Variants in SMCHD1 observed in about 807,000 individuals in gnomAD.
SMCHD1 encodes the protein structural maintenance of chromosomes flexible hinge domain containing 1, also known as structural maintenance of chromosomes flexible hinge domain-containing protein 1.
A neutral mutation model predicts 254.7 loss-of-function variants in SMCHD1; 78 were observed. The observed-to-expected ratio is 0.31, with a 90% confidence interval of 0.26 to 0.37. The LOEUF is 0.37. Ranked by LOEUF, SMCHD1 falls within the 10% of genes least tolerant of loss-of-function variation. The probability of loss-of-function intolerance (pLI) is 1.00; values close to 1 mark genes in which losing one functional copy is unlikely to be tolerated. For missense variants in SMCHD1, 1,840 were observed against 2,408.1 expected, an observed-to-expected ratio of 0.76 and a Z score of 4.94; for synonymous variants, 766 against 794.9, an observed-to-expected ratio of 0.96 and a Z score of 0.61.
intron 34 of SMCHD1, among the ~76,000 whole-genome samples, chr18:2,757,808 T>C (rs1230355187): frequency 1.3e-5 from 2 of 152,166 alleles, no homozygotes; most frequent in Non-Finnish European, 2.9e-5. Flanking sequence ...TTGTCTATTT[T>C]TTCTCTTAGT....
At chr18:2,747,841 A>G (rs1250457204) in intron 30 of SMCHD1, among the ~76,000 whole-genome samples, 194 bp downstream of exon 30, 1 of 152,214 alleles carries the variant, frequency 6.6e-6, no homozygotes, top group African/African-American at 2.4e-5. Flanking sequence ...ACAGTAGTAC[A>G]ACAAGGGGCC....
chr18:2,699,424 C>T (rs369504931), intron 10 of SMCHD1, among the ~76,000 whole-genome samples: 1 of 152,328 alleles, frequency 6.6e-6, no homozygotes. Flanking sequence ...ACTGCAGTCT[C>T]TGCCTCCCAG....
intron 44 of SMCHD1, among the ~76,000 whole-genome samples, chr18:2,782,206 A>G (rs998810814): frequency 1.3e-5 from 2 of 152,302 alleles, no homozygotes; most frequent in Admixed American, 1.3e-4. Flanking sequence ...GAGTTGTAAT[A>G]TTGTTCATTC....
chr18:2,750,408 A>C lies in SMCHD1; in HGVS notation c.4066A>C (p.Ile1356Leu). ...TAACAAAAGTATCATAGAAGGACCTATAATTAAGTTAATGATTCTTCCAGA... is the reference window on the plus strand; with the variant it reads ...TAACAAAAGTATCATAGAAGGACCTCTAATTAAGTTAATGATTCTTCCAGA... ...IYNKSIIEGP[I>L]IKLMILPDPE... Residue 1356 changes from isoleucine (I) to leucine (L), a missense_variant, in exon 32 of 48, where the codon ATA (isoleucine) becomes CTA (leucine). Ile to Leu is a conservative substitution (Grantham distance 5). This residue lies in a region of SMCHD1 where 881 missense variants were observed against 1,009.5 expected (regional missense o/e 0.87). Transcript: ENST00000320876. The C allele has an allele frequency of 6.2e-7, 1 of 1,612,630 alleles. No individual in the cohort carries two copies. Among genetic ancestry groups the C allele is most frequent in the Non-Finnish European group, 8.5e-7 (1 of 1,179,014 alleles).
At position 2,718,456 on chromosome 18, in the gene SMCHD1, A is replaced by T. The variant is rs2074849642; in HGVS notation, c.2458+22A>T. On this transcript the variant is annotated intron_variant, in intron 19 of 47. Transcript: ENST00000320876. This position sits in a 1 kb window ranked among gnomAD's most constrained non-coding sequence, Gnocchi z 4.6. The stretch of plus-strand genomic sequence containing the variant: ...AAAGGTAAGCAAAACAGTAATATAT[A>T]ATTATATATGCTAAAGGTGGCATTT... 3 of 1,566,764 alleles carry T rather than the reference A, an allele frequency of 1.9e-6. No individual in the cohort carries two copies. Among genetic ancestry groups the T allele is most frequent in the African/African-American group, 1.4e-5 (1 of 72,914 alleles).
At chr18:2,745,358 G>A (rs951066277) in intron 29 of SMCHD1, among the ~76,000 whole-genome samples, 2 of 152,120 alleles carry the variant, frequency 1.3e-5, no homozygotes, top group African/African-American at 4.8e-5. Context: ...CACAATCATG[G>A]TAGTAGGTGA....
At chr18:2,745,186 T>TTTATTTTTAAAAATTAAAAAAA (rs6146190) in intron 29 of SMCHD1, among the ~76,000 whole-genome samples, 1 of 99,960 alleles carries the variant, frequency 1.0e-5, no homozygotes, top group Non-Finnish European at 2.2e-5. Flanking sequence ...TGAAACAAGT[T>TTTATTTTTAAAAATTAAAAAAA]TTATTTATTT....
At chr18:2,776,740 T>C (rs143234489) in intron 42 of SMCHD1, among the ~76,000 whole-genome samples, 249 of 152,274 alleles carry the variant, frequency 1.6e-3, no homozygotes, top group Non-Finnish European at 3.0e-3. Context: ...AAACTTGTTA[T>C]TTCATCTTAT....
intron 8 of SMCHD1, 145 bp downstream of exon 8, chr18:2,694,838 T>A: frequency 1.5e-6 from 1 of 659,952 alleles, no homozygotes; most frequent in Non-Finnish European, 2.6e-6. Context: ...ACTCTGATAT[T>A]GGTGTTAAAA....
intron 7 of SMCHD1, among the ~76,000 whole-genome samples, chr18:2,694,202 G>GGTAA (rs2074241953): frequency 6.6e-6 from 1 of 152,112 alleles, no homozygotes; most frequent in Admixed American, 6.5e-5. Context: ...CTACCCTAGG[G>GGTAA]GTAAGTGTCC....
chr18:2,773,315 T>C (rs773979147), intron 41 of SMCHD1, among the ~76,000 whole-genome samples: 4 of 152,234 alleles, frequency 2.6e-5, no homozygotes, highest in Non-Finnish European at 5.9e-5. Context: ...ATCCTAAGCA[T>C]ATAAATATAT....
intron 33 of SMCHD1, 102 bp downstream of exon 33, chr18:2,751,495 G>C (rs1338308066): frequency 1.6e-6 from 1 of 644,594 alleles, no homozygotes; most frequent in Non-Finnish European, 2.6e-6. Context: ...ATAAATTTGA[G>C]AAATGGAAGT....
Position 2,700,520 on chromosome 18 carries a change from A to T in SMCHD1, c.1343-19A>T. The T allele has an allele frequency of 6.3e-7, 1 of 1,591,316 alleles. No individual in the cohort carries two copies. Among genetic ancestry groups the T allele is most frequent in the Non-Finnish European group, 8.5e-7 (1 of 1,171,280 alleles). On this transcript the variant is annotated intron_variant, in intron 10 of 47. Coordinates refer to ENST00000320876, the MANE Select transcript of SMCHD1 (RefSeq NM_015295.3). ...ATTTTAGCAATAAACATTTTGTTCC[A>T]TTTGCCCTTTTGATCTAGAATTAAA...
chr18:2,744,457 TTTGA>T (rs1374597119), intron 29 of SMCHD1, among the ~76,000 whole-genome samples: 14 of 152,278 alleles, frequency 9.2e-5, no homozygotes, highest in South Asian at 2.1e-4. Flanking sequence ...AGAATTCTAA[TTTGA>T]TTGACAGACA....
rs767743714 is a variant in SMCHD1 at position 2,769,702 on chromosome 18, G to C, written c.4728G>C (p.Val1576=). The change falls in exon 38 of 48, where the codon GTG becomes GTC. Residue 1576 remains valine (V), a synonymous_variant. Coordinates refer to ENST00000320876, the MANE Select transcript of SMCHD1 (RefSeq NM_015295.3). ...VNGSAEIMSL[V]LAESSPGRDS... ...TTTGTTTATATGTACAGAGTCTGGT[G>C]CTGGCAGAAAGTAGTCCTGGAAGGG... 6.3e-7 allele frequency: 1 copy of C among 1,598,590 alleles called. No homozygotes were observed. Among genetic ancestry groups the C allele is most frequent in the East Asian group, 2.2e-5 (1 of 44,584 alleles).
intron 34 of SMCHD1, among the ~76,000 whole-genome samples, chr18:2,754,825 AT>A (rs200276808): frequency 0.2 from 29,213 of 146,522 alleles, 2,957 homozygotes; most frequent in South Asian, 0.27. Flanking sequence ...CGTGGAATTG[AT>A]TTTTTTTTTT....
chr18:2,665,609 A>G (rs2073414622), intron 1 of SMCHD1, among the ~76,000 whole-genome samples: 1 of 152,138 alleles, frequency 6.6e-6, no homozygotes, highest in Non-Finnish European at 1.5e-5. Flanking sequence ...ATGAGCTACC[A>G]TGCCTGGCCA....
intron 28 of SMCHD1, among the ~76,000 whole-genome samples, chr18:2,741,763 C>T (rs573663895): frequency 2.5e-4 from 38 of 152,302 alleles, no homozygotes; most frequent in Admixed American, 3.3e-4. Flanking sequence ...TATCACTCTG[C>T]GCACAGGCTC....
chr18:2,697,721 T>A, intron 9 of SMCHD1, 110 bp from the exon 10 acceptor site: 2 of 710,746 alleles, frequency 2.8e-6, no homozygotes, highest in African/African-American at 1.8e-5. Flanking sequence ...GCCAGATTGT[T>A]ACTTGTACAA....
Sources: gnomAD v4.1 joint callset for allele counts (sites outside exome capture counted in the v4.1 genomes callset) on GRCh38, gnomAD v4.1.1 for gene constraint, gnomAD v4.1.1 regional missense constraint, Gnocchi (gnomAD v3.1) non-coding constraint, MANE v1.5 for transcripts, NCBI Gene and HGNC (gene_info 2026-07-23, HGNC 2026-07-21) for gene names.